Variants in KHDRBS3 observed in about 807,000 individuals in gnomAD.
KHDRBS3 encodes KH domain-containing, RNA-binding, signal transduction-associated protein 3.
Under a neutral mutation model 45.6 loss-of-function variants are expected in KHDRBS3, and 23 were observed. That is an observed-to-expected ratio of 0.50 (90% confidence interval 0.36 to 0.72). KHDRBS3 has a LOEUF of 0.72. Ranked by LOEUF, KHDRBS3 falls within the 30% of genes least tolerant of loss-of-function variation. The pLI is 0.00. For missense variants in KHDRBS3, 352 were observed against 424.8 expected, an observed-to-expected ratio of 0.83 and a Z score of 1.51; for synonymous variants, 162 against 156.5, an observed-to-expected ratio of 1.04 and a Z score of -0.26.
In KHDRBS3 at chr8:135,607,130, AG is replaced by A. The variant is rs1829500744; in HGVS notation, c.890+96del. The A allele has an allele frequency of 4.3e-6, 4 of 932,874 alleles. No homozygotes were observed. The Admixed American group carries it at 8.8e-5, about 21-fold the overall frequency. The allele number at this position is 932,874 out of a possible 1,614,324, so 57.8% of individuals were successfully genotyped here. ...GGAAAAGTATGGCAGTCAGCTAGAG[AG>A]GGTAATTGGCTTGCCCTGTTTTTGT... On this transcript the variant is annotated intron_variant, in intron 7 of 8. Transcript: ENST00000355849.
chr8:135,590,490 CT>C (rs1257037420), intron 6 of KHDRBS3, among the ~76,000 whole-genome samples: 1 of 152,182 alleles, frequency 6.6e-6, no homozygotes, highest in Non-Finnish European at 1.5e-5. Flanking sequence ...TTCTTAACCT[CT>C]TTCCAACTTA....
intron 1 of KHDRBS3, among the ~76,000 whole-genome samples, chr8:135,502,327 T>C (rs1472203784): frequency 6.6e-6 from 1 of 152,220 alleles, no homozygotes; most frequent in Non-Finnish European, 1.5e-5. Context: ...GTCTCACTGC[T>C]GTTCTTTATT....
chr8:135,515,271 T>C (rs771962916), intron 1 of KHDRBS3, among the ~76,000 whole-genome samples: 56 of 143,910 alleles, frequency 3.9e-4, no homozygotes, highest in Non-Finnish European at 3.1e-4. Context: ...GAGGCTGAGG[T>C]AGGAGAATGA....
intron 7 of KHDRBS3, among the ~76,000 whole-genome samples, chr8:135,636,124 T>G (rs188778664): frequency 6.6e-6 from 1 of 152,314 alleles, no homozygotes; most frequent in East Asian, 1.9e-4. Flanking sequence ...TTCATTGCTG[T>G]GAGTTATTTC....
At chr8:135,567,993 T>C (rs1044675496) in intron 5 of KHDRBS3, among the ~76,000 whole-genome samples, 1 of 152,180 alleles carries the variant, frequency 6.6e-6, no homozygotes, top group African/African-American at 2.4e-5. Context: ...CTCTACACTT[T>C]AGTCAGATGG....
At chr8:135,458,901 G>A (rs768958877) in intron 1 of KHDRBS3, 76 of 456,126 alleles carry the variant, frequency 1.7e-4, no homozygotes, top group Non-Finnish European at 3.1e-4. Flanking sequence ...ATCATCTGCT[G>A]GCATGCACGG....
intron 5 of KHDRBS3, among the ~76,000 whole-genome samples, chr8:135,570,197 T>C (rs966380660): frequency 6.6e-6 from 1 of 152,154 alleles, no homozygotes; most frequent in African/African-American, 2.4e-5. Context: ...TAAATGTCCT[T>C]AACTCCACTG....
rs71298252 is a variant in KHDRBS3, at chr8:135,585,059, C to CAA, written c.807+2997_807+2998dup. Among the ~76,000 whole-genome samples the CAA allele has an allele frequency of 2.3e-4, 33 of 145,442 alleles. 1 individual carries two copies. Among genetic ancestry groups the CAA allele is most frequent in the East Asian group, 8.1e-4 (4 of 4,962 alleles). On this transcript the variant is annotated intron_variant, in intron 6 of 8. Transcript: ENST00000355849. Reference sequence around the variant, plus strand: ...CAACATGGTGAAACCTCATCTCTACCAAAAAAAAAAAATACAAAAATTAGC... The same window carrying CAA: ...CAACATGGTGAAACCTCATCTCTACCAAAAAAAAAAAAAATACAAAAATTAGC...
intron 6 of KHDRBS3, among the ~76,000 whole-genome samples, chr8:135,602,879 G>A (rs779968518): frequency 6.6e-6 from 1 of 152,052 alleles, no homozygotes; most frequent in African/African-American, 2.4e-5. Context: ...ATAATTTTCT[G>A]GGTCTCCTCT....
At chr8:135,525,127 A>G (rs998854552) in intron 2 of KHDRBS3, among the ~76,000 whole-genome samples, 3 of 152,170 alleles carry the variant, frequency 2.0e-5, no homozygotes, top group African/African-American at 4.8e-5. Context: ...TGTACATTGT[A>G]GAAACCTTGG....
At chr8:135,506,901 A>AT (rs11456074) in intron 1 of KHDRBS3, among the ~76,000 whole-genome samples, 121,003 of 151,950 alleles carry the variant, frequency 0.8, 48,635 homozygotes, top group East Asian at 0.96. Context: ...TATAAGTTTG[A>AT]TTCTCTCCTG....
intron 2 of KHDRBS3, among the ~76,000 whole-genome samples, chr8:135,523,268 A>G (rs1206318410): frequency 6.6e-6 from 1 of 152,186 alleles, no homozygotes; most frequent in Non-Finnish European, 1.5e-5. Flanking sequence ...TGACATCTTA[A>G]CAATATTGAG....
intron 1 of KHDRBS3, among the ~76,000 whole-genome samples, chr8:135,468,632 A>C (rs1821823100): frequency 6.6e-6 from 1 of 152,252 alleles, no homozygotes; most frequent in South Asian, 2.1e-4. Context: ...AGAAACAGGC[A>C]GTGTGCCATG....
chr8:135,631,798 A>C (rs550934911), intron 7 of KHDRBS3, among the ~76,000 whole-genome samples: 74 of 152,226 alleles, frequency 4.9e-4, no homozygotes, highest in Non-Finnish European at 8.5e-4. Context: ...TGGTAAATAC[A>C]CAACCACTGG....
chr8:135,503,416 TG>T (rs2130522763), intron 1 of KHDRBS3, among the ~76,000 whole-genome samples: 1 of 152,338 alleles, frequency 6.6e-6, no homozygotes, highest in Admixed American at 6.5e-5. Flanking sequence ...TCTGTAGCCT[TG>T]GTTTAGTTGG....
intron 6 of KHDRBS3, among the ~76,000 whole-genome samples, chr8:135,584,015 C>T (rs1041115900): frequency 1.3e-5 from 2 of 152,100 alleles, no homozygotes; most frequent in Non-Finnish European, 2.9e-5. Flanking sequence ...AATTTACTCC[C>T]TTTTCCATCT....
At chr8:135,607,763 A>G (rs2131030965) in intron 7 of KHDRBS3, among the ~76,000 whole-genome samples, 1 of 152,348 alleles carries the variant, frequency 6.6e-6, no homozygotes, top group South Asian at 2.1e-4. Context: ...ATTCTGAAGC[A>G]TAAGAAAATA....
chr8:135,464,991 C>CTAG (rs1419790957), intron 1 of KHDRBS3, among the ~76,000 whole-genome samples: 11 of 152,146 alleles, frequency 7.2e-5, no homozygotes, highest in Non-Finnish European at 1.5e-4. Flanking sequence ...AATTACATGC[C>CTAG]TAGTATTGGA....
intron 1 of KHDRBS3, among the ~76,000 whole-genome samples, chr8:135,501,198 A>G (rs1348908128): frequency 6.6e-6 from 1 of 152,202 alleles, no homozygotes; most frequent in Non-Finnish European, 1.5e-5. Context: ...TTAACTTATA[A>G]AACAAACAGA....
Sources: gnomAD v4.1 joint callset for allele counts (sites outside exome capture counted in the v4.1 genomes callset) on GRCh38, gnomAD v4.1.1 for gene constraint, MANE v1.5 for transcripts, NCBI Gene and HGNC (gene_info 2026-07-23, HGNC 2026-07-21) for gene names.